The following AP3B1 variants were observed in gnomAD, a reference collection of about 807,000 sequenced individuals.
AP3B1 encodes the protein AP-3 complex subunit beta-1.
AP3B1 carries 61 observed loss-of-function variants against 132.5 expected under a neutral mutation model. That is an observed-to-expected ratio of 0.46 (90% CI 0.37 to 0.57). The LOEUF (loss-of-function observed/expected upper bound fraction) is 0.57, where lower values mean the gene tolerates loss of function less well. AP3B1 is among the 20% of genes least tolerant of loss of function. The pLI is 0.00. For synonymous variants in AP3B1, 388 were observed against 438.3 expected (o/e 0.89, Z 1.43); for missense variants, 1,120 against 1,289.4 (o/e 0.87, Z 2.01).
chr5:78,169,762 T>C (rs897661940), intron 11 of AP3B1, among the ~76,000 whole-genome samples: 1 of 151,592 alleles, frequency 6.6e-6, no homozygotes, highest in African/African-American at 2.4e-5. Context: ...TATTTATTTA[T>C]TTATATTATT....
intron 21 of AP3B1, among the ~76,000 whole-genome samples, chr5:78,092,337 T>C (rs929070262): frequency 5.3e-5 from 8 of 152,168 alleles, no homozygotes; most frequent in African/African-American, 1.9e-4. Flanking sequence ...TGTGCTCTGG[T>C]ATTAAAGAGA....
intron 14 of AP3B1, among the ~76,000 whole-genome samples, chr5:78,144,462 AAC>A (rs2112333166): frequency 6.6e-6 from 1 of 152,348 alleles, no homozygotes; most frequent in South Asian, 2.1e-4. Context: ...TGCACAGTGC[AAC>A]AGTCCAAAGT....
chr5:78,137,242 T>C (rs1752959595), intron 15 of AP3B1, among the ~76,000 whole-genome samples: 1 of 152,092 alleles, frequency 6.6e-6, no homozygotes, highest in Non-Finnish European at 1.5e-5. Context: ...TTTGTTGGGG[T>C]TCAAGGTACA....
intron 7 of AP3B1, among the ~76,000 whole-genome samples, chr5:78,200,118 T>C (rs994455030): frequency 1.3e-5 from 2 of 151,690 alleles, no homozygotes; most frequent in African/African-American, 4.8e-5. Flanking sequence ...CCTACAGAAA[T>C]GAAAACATAT....
At chr5:78,096,148 T>C (rs536313309) in intron 21 of AP3B1, among the ~76,000 whole-genome samples, 199 of 152,330 alleles carry the variant, frequency 1.3e-3, no homozygotes, top group Non-Finnish European at 2.1e-3. Flanking sequence ...GTGCCTGCGA[T>C]GGCAGGCGCG....
chr5:78,112,583 A>G (rs1287027644), intron 19 of AP3B1, among the ~76,000 whole-genome samples: 1 of 152,218 alleles, frequency 6.6e-6, no homozygotes, highest in Non-Finnish European at 1.5e-5. Flanking sequence ...GACATGTTTT[A>G]TAACTCGTAT....
chr5:78,014,747 A>G (rs1746786211), intron 26 of AP3B1, among the ~76,000 whole-genome samples: 2 of 152,222 alleles, frequency 1.3e-5, no homozygotes, highest in East Asian at 1.9e-4. Flanking sequence ...GCAATCACCA[A>G]ATGGATAAGA....
intron 26 of AP3B1, among the ~76,000 whole-genome samples, chr5:78,013,886 G>A (rs2046894): frequency 0.19 from 28,957 of 152,110 alleles, 3,560 homozygotes; most frequent in Non-Finnish European, 0.28. Flanking sequence ...GAAAGACACC[G>A]GGCGCGGTGG....
chr5:78,035,829 G>C (rs905051503), intron 23 of AP3B1, among the ~76,000 whole-genome samples: 2 of 152,048 alleles, frequency 1.3e-5, no homozygotes, highest in Non-Finnish European at 2.9e-5. Flanking sequence ...AGGCTTTACT[G>C]TAGGGTAAAT....
intron 13 of AP3B1, among the ~76,000 whole-genome samples, chr5:78,157,585 T>C (rs905389352): frequency 2.6e-5 from 4 of 152,198 alleles, no homozygotes; most frequent in Admixed American, 1.3e-4. Context: ...GAATCTTATA[T>C]AATGTGTTAT....
At chr5:78,249,159 A>T (rs939579604) in intron 2 of AP3B1, among the ~76,000 whole-genome samples, 1 of 152,014 alleles carries the variant, frequency 6.6e-6, no homozygotes, top group Admixed American at 6.6e-5. Flanking sequence ...GTTCGAGACC[A>T]GCCTGACCAA....
At chr5:78,039,884 G>A (rs1747996140) in intron 22 of AP3B1, among the ~76,000 whole-genome samples, 1 of 148,708 alleles carries the variant, frequency 6.7e-6, no homozygotes, top group Middle Eastern at 3.2e-3. Flanking sequence ...TTTTGCTGGG[G>A]GGCAGGGATT....
intron 7 of AP3B1, among the ~76,000 whole-genome samples, chr5:78,194,045 G>A (rs1044123231): frequency 4.0e-5 from 6 of 151,890 alleles, no homozygotes; most frequent in Admixed American, 3.9e-4. Context: ...TGGATTACAG[G>A]CGTGAGCCAC....
chr5:78,143,551 T>C (rs1234341642), intron 14 of AP3B1, among the ~76,000 whole-genome samples: 1 of 152,154 alleles, frequency 6.6e-6, no homozygotes, highest in Non-Finnish European at 1.5e-5. Context: ...GACAACATTT[T>C]TGAGCAGGTG....
chr5:78,133,314 A>G (rs1337645076), intron 15 of AP3B1, among the ~76,000 whole-genome samples: 1 of 152,190 alleles, frequency 6.6e-6, no homozygotes, highest in African/African-American at 2.4e-5. Flanking sequence ...TTACATCTAG[A>G]AAGGGTGGGA....
intron 20 of AP3B1, chr5:78,101,441 T>A: frequency 2.8e-6 from 1 of 361,300 alleles, no homozygotes; most frequent in South Asian, 2.3e-5. Context: ...GATGGGCTTG[T>A]GATAGGTCAG....
chr5:78,040,412 A>C (rs1167047417), intron 22 of AP3B1, among the ~76,000 whole-genome samples: 1 of 152,120 alleles, frequency 6.6e-6, no homozygotes, highest in Non-Finnish European at 1.5e-5. Context: ...TATTTTTTGT[A>C]GACCTACAAT....
intron 2 of AP3B1, 53 bp downstream of exon 2, chr5:78,267,467 G>T: frequency 1.1e-6 from 1 of 942,084 alleles, no homozygotes; most frequent in South Asian, 1.4e-5. Context: ...ATAATAATAT[G>T]ATCACTGCTT....
intron 24 of AP3B1, among the ~76,000 whole-genome samples, chr5:78,027,909 T>A (rs1030976614): frequency 6.6e-6 from 1 of 152,040 alleles, no homozygotes; most frequent in Admixed American, 6.5e-5. Context: ...GCAGATCACC[T>A]GAGGTCAGGA....
Sources: allele counts gnomAD v4.1 joint callset (sites outside exome capture counted in the v4.1 genomes callset), GRCh38; gene constraint gnomAD v4.1.1; transcripts MANE v1.5; gene names NCBI Gene and HGNC (gene_info 2026-07-23, HGNC 2026-07-21).